DLGAP2: variants seen among roughly 807,000 people sequenced by gnomAD.
DLGAP2 encodes the protein disks large-associated protein 2.
Under a neutral mutation model 100.3 loss-of-function variants are expected in DLGAP2, and 26 were observed. The observed-to-expected ratio is 0.26, with a 90% CI of 0.19 to 0.36. The LOEUF (loss-of-function observed/expected upper bound fraction) is 0.36, where lower values mean the gene tolerates loss of function less well. Ranked by LOEUF, DLGAP2 falls within the 10% of genes least tolerant of loss-of-function variation. The pLI, the probability that DLGAP2 is intolerant of heterozygous loss-of-function variation, is 1.00. For synonymous variants in DLGAP2, 886 were observed against 630.1 expected (o/e 1.41, Z -6.08); for missense variants, 1,858 against 1,453.2 (o/e 1.28, Z -4.53).
At chr8:1,425,146 T>C (rs1008093290) in intron 3 of DLGAP2, among the ~76,000 whole-genome samples, 4 of 152,222 alleles carry the variant, frequency 2.6e-5, no homozygotes, top group Admixed American at 6.5e-5. Flanking sequence ...CTGGGTGATA[T>C]AAGGATTTTT....
chr8:1,697,940 A>G (rs560981479), intron 14 of DLGAP2, among the ~76,000 whole-genome samples: 160 of 152,380 alleles, frequency 1.1e-3, no homozygotes, highest in Non-Finnish European at 2.1e-3. Flanking sequence ...GCAAAGACAT[A>G]GATTTCCTCA....
chr8:896,423 G>T (rs557302904), intron 1 of DLGAP2, among the ~76,000 whole-genome samples: 1 of 151,618 alleles, frequency 6.6e-6, no homozygotes, highest in East Asian at 1.9e-4. Flanking sequence ...GGGCGGGGGG[G>T]CTGGGTGGTG....
chr8:1,257,597 C>T (rs1304659564), intron 2 of DLGAP2, among the ~76,000 whole-genome samples: 3 of 152,220 alleles, frequency 2.0e-5, no homozygotes, highest in Admixed American at 6.5e-5. Flanking sequence ...GGCGTCTCCT[C>T]TGTGGGCCCC....
intron 5 of DLGAP2, among the ~76,000 whole-genome samples, chr8:1,552,786 C>A (rs541040417): frequency 4.4e-4 from 67 of 152,308 alleles, no homozygotes; most frequent in African/African-American, 1.5e-3. Context: ...CATTTTCACC[C>A]TTGGTTTGTA....
chr8:1,515,420 A>C (rs1800334462), intron 4 of DLGAP2, among the ~76,000 whole-genome samples: 1 of 147,400 alleles, frequency 6.8e-6, no homozygotes, highest in Middle Eastern at 3.5e-3. Flanking sequence ...ATGTGCACAC[A>C]CACACGCAGA....
chr8:1,282,637 G>C (rs1223206744), intron 3 of DLGAP2, among the ~76,000 whole-genome samples: 5 of 123,154 alleles, frequency 4.1e-5, no homozygotes, highest in African/African-American at 1.3e-4. Context: ...GGTGTGACCT[G>C]AACCCAGCGC....
intron 2 of DLGAP2, among the ~76,000 whole-genome samples, chr8:1,089,306 G>A (rs1585048137): frequency 1.3e-5 from 2 of 152,188 alleles, no homozygotes; most frequent in Non-Finnish European, 1.5e-5. Context: ...TGTATATGTC[G>A]GCCTGAGTGG....
At chr8:1,279,102 T>C (rs906772238) in intron 3 of DLGAP2, among the ~76,000 whole-genome samples, 1 of 152,216 alleles carries the variant, frequency 6.6e-6, no homozygotes, top group African/African-American at 2.4e-5. Context: ...AATAGTATTT[T>C]TCTAATTGGG....
chr8:1,235,103 AGTTCTCTC>A (rs1563269935), intron 2 of DLGAP2, among the ~76,000 whole-genome samples: 8 of 22,552 alleles, frequency 3.5e-4, no homozygotes, highest in Non-Finnish European at 7.1e-4. Context: ...CGTCGTGTCT[AGTTCTCTC>A]ACACATGGCG....
intron 1 of DLGAP2, among the ~76,000 whole-genome samples, chr8:858,391 C>G (rs2128989219): frequency 6.6e-6 from 1 of 152,368 alleles, no homozygotes; most frequent in East Asian, 1.9e-4. Context: ...ACTGTGCAGA[C>G]AGGAAAGGTT....
chr8:1,607,320 A>C (rs988059144), intron 6 of DLGAP2, among the ~76,000 whole-genome samples: 40 of 152,332 alleles, frequency 2.6e-4, no homozygotes, highest in African/African-American at 9.4e-4. Flanking sequence ...GTGTATGTTC[A>C]TCAGTATGGA....
chr8:1,286,622 C>T (rs985679775), intron 3 of DLGAP2, among the ~76,000 whole-genome samples: 1 of 152,210 alleles, frequency 6.6e-6, no homozygotes, highest in Non-Finnish European at 1.5e-5. Flanking sequence ...ATGATCTAGT[C>T]TGACCTGAAC....
intron 1 of DLGAP2, chr8:883,413 C>G (rs1191099449): frequency 1.3e-5 from 2 of 151,820 alleles, no homozygotes; most frequent in African/African-American, 4.8e-5. Flanking sequence ...ATTCCCTGGT[C>G]ACATAGAAAT....
In DLGAP2 at chr8:973,991, T is replaced by A. The variant is rs1027729394; in HGVS notation, c.73+66025T>A. Among the ~76,000 whole-genome samples, 15 of 151,994 alleles carry A rather than the reference T, an allele frequency of 9.9e-5. No individual in the cohort carries two copies. In the East Asian group the frequency reaches 1.2e-3, roughly 12 times the overall value. ...ACTCGGTCGCCAGAAAAGATTTTTT[T>A]AAAAATGGAACAGAATATTGAAGAA... is the stretch of plus-strand genomic sequence containing the variant. On this transcript the variant is annotated intron_variant, in intron 2 of 14. Transcript: ENST00000637795.
At chr8:898,894 G>C (rs553755793) in intron 1 of DLGAP2, among the ~76,000 whole-genome samples, 2 of 152,332 alleles carry the variant, frequency 1.3e-5, no homozygotes, top group African/African-American at 4.8e-5. Flanking sequence ...CTGCGCATCA[G>C]AGAATGTTTC....
intron 3 of DLGAP2, among the ~76,000 whole-genome samples, chr8:1,303,312 G>A (rs1232374604): frequency 3.3e-5 from 5 of 150,326 alleles, no homozygotes; most frequent in Non-Finnish European, 7.4e-5. Context: ...CAGGAGAATC[G>A]TTTGAACCCG....
chr8:1,259,362 G>A (rs972242011), intron 3 of DLGAP2, among the ~76,000 whole-genome samples: 1 of 152,200 alleles, frequency 6.6e-6, no homozygotes, highest in Non-Finnish European at 1.5e-5. Flanking sequence ...CAAGTCTCCT[G>A]TGTTTAAAAC....
chr8:1,527,906 G>T (rs1800847181), intron 4 of DLGAP2, among the ~76,000 whole-genome samples: 1 of 151,094 alleles, frequency 6.6e-6, no homozygotes. Flanking sequence ...GTTCAACTAT[G>T]CTTTTAAGTA....
At position 899,911 on chromosome 8, in the gene DLGAP2, G is replaced by A. The variant is rs574869933; in HGVS notation, c.19-8001G>A. 1.4e-4 allele frequency among the ~76,000 whole-genome samples: 22 copies of A among 152,310 alleles called. No individual in the cohort carries two copies. The South Asian group carries it at 4.1e-3, about 29-fold the overall frequency. ...AGAGGGTGAGACTGTGGGACGCCCC[G>A]TGGGACATGCACCCTCCCTCCCGAG... On this transcript the variant is annotated intron_variant, in intron 1 of 14. Transcript: ENST00000637795.
Sources: allele counts gnomAD v4.1 joint callset (sites outside exome capture counted in the v4.1 genomes callset), GRCh38; gene constraint gnomAD v4.1.1; transcripts MANE v1.5; gene names NCBI Gene and HGNC (gene_info 2026-07-23, HGNC 2026-07-21).